Variants in PCDHA3 observed in about 807,000 individuals in gnomAD.
The protein encoded by PCDHA3 is protocadherin alpha-3.
In PCDHA3, 41 loss-of-function variants were observed where a neutral mutation model predicts 62.2. The ratio of observed to expected loss-of-function variants is 0.66; its 90% confidence interval spans 0.51 to 0.86. The LOEUF (loss-of-function observed/expected upper bound fraction) is 0.86. Ranked by LOEUF, PCDHA3 falls within the 40% of genes least tolerant of loss-of-function variation. The pLI, the probability that PCDHA3 is intolerant of heterozygous loss-of-function variation, is 0.00. For synonymous variants in PCDHA3, 640 were observed against 555.4 expected (o/e 1.15, Z -2.14); for missense variants, 1,304 against 1,241.2 (o/e 1.05, Z -0.76).
rs781920660 is a variant in PCDHA3 at position 140,857,284 on chromosome 5, G to A, written c.2394+53693G>A. On this transcript the variant is annotated intron_variant, in intron 1 of 3. Transcript: ENST00000522353. Reference sequence around the variant, plus strand: ...ACTCATTGGTGCTGGACAGCGCTCTGGACCGCGAGAGGGTGTCGGCCTATG... The same window carrying A: ...ACTCATTGGTGCTGGACAGCGCTCTAGACCGCGAGAGGGTGTCGGCCTATG... 4 of 1,598,734 alleles carry A rather than the reference G, an allele frequency of 2.5e-6. 1 individual carries two copies. Among genetic ancestry groups the A allele is most frequent in the Non-Finnish European group, 2.6e-6 (3 of 1,168,028 alleles).
At chr5:140,806,893 A>T in intron 1 of PCDHA3, 1 of 441,892 alleles carries the variant, frequency 2.3e-6, no homozygotes, top group Non-Finnish European at 4.1e-6. Flanking sequence ...ATGTATTCCT[A>T]TTCTCCGAAA....
intron 1 of PCDHA3, chr5:140,822,615 T>C (rs2150117790): frequency 1.2e-6 from 2 of 1,611,632 alleles, no homozygotes; most frequent in Non-Finnish European, 1.7e-6. Context: ...TGTATTTCTT[T>C]AGTAATCTTG....
intron 1 of PCDHA3, among the ~76,000 whole-genome samples, chr5:140,833,329 T>C (rs1234770321): frequency 2.6e-5 from 4 of 152,266 alleles, no homozygotes; most frequent in South Asian, 2.1e-4. Flanking sequence ...ATTGGGAACA[T>C]TGGAGTGAAA....
intron 1 of PCDHA3, among the ~76,000 whole-genome samples, chr5:140,893,669 C>T (rs1204530639): frequency 6.6e-6 from 1 of 152,158 alleles, no homozygotes; most frequent in African/African-American, 2.4e-5. Flanking sequence ...AAAATTTCAG[C>T]ACTTTGGATA....
chr5:140,944,099 C>G (rs1585153302), intron 1 of PCDHA3, among the ~76,000 whole-genome samples: 1 of 152,264 alleles, frequency 6.6e-6, no homozygotes, highest in East Asian at 1.9e-4. Context: ...AAGTTTATAT[C>G]TCATGGGAAA....
At chr5:140,843,714 A>G (rs2150365461) in intron 1 of PCDHA3, 11 of 1,569,726 alleles carry the variant, frequency 7.0e-6, no homozygotes, top group Admixed American at 6.9e-5. Flanking sequence ...CATGGCCTCA[A>G]AGTAAGTCCA....
At chr5:140,973,276 C>G (rs1416819589) in intron 1 of PCDHA3, among the ~76,000 whole-genome samples, 1 of 152,132 alleles carries the variant, frequency 6.6e-6, no homozygotes, top group African/African-American at 2.4e-5. Context: ...TTTATTTCCC[C>G]CAGCACTGAT....
chr5:140,909,249 G>A (rs1180498257), intron 1 of PCDHA3, among the ~76,000 whole-genome samples: 1 of 152,196 alleles, frequency 6.6e-6, no homozygotes, highest in Non-Finnish European at 1.5e-5. Flanking sequence ...TATATTGCTG[G>A]CCTTGCTGAC....
intron 1 of PCDHA3, chr5:140,830,291 G>A (rs1770969160): frequency 6.2e-7 from 1 of 1,613,746 alleles, no homozygotes. Context: ...CGCGTGCACG[G>A]CGGACAAGCC....
intron 1 of PCDHA3, among the ~76,000 whole-genome samples, chr5:140,932,118 A>C (rs2088050775): frequency 6.6e-6 from 1 of 151,946 alleles, no homozygotes; most frequent in African/African-American, 2.4e-5. Flanking sequence ...CCAATTGATA[A>C]TATTTAAGAT....
chr5:140,890,776 A>T (rs1554184541), intron 1 of PCDHA3, among the ~76,000 whole-genome samples: 2 of 152,198 alleles, frequency 1.3e-5, no homozygotes, highest in Non-Finnish European at 2.9e-5. Context: ...TTAAAACCCC[A>T]TAAGATATTA....
At chr5:140,943,278 G>A (rs246067) in intron 1 of PCDHA3, among the ~76,000 whole-genome samples, 37,737 of 121,894 alleles carry the variant, frequency 0.31, 6,744 homozygotes, top group East Asian at 0.43. Flanking sequence ...AAAAAAAAAA[G>A]AAAGAAAGAA....
chr5:140,924,996 T>G (rs960105846), intron 1 of PCDHA3, among the ~76,000 whole-genome samples: 1 of 151,078 alleles, frequency 6.6e-6, no homozygotes, highest in African/African-American at 2.4e-5. Flanking sequence ...ATCCTAGCAC[T>G]TTAGGAGGCT....
intron 1 of PCDHA3, chr5:140,969,386 C>T (rs782109093): frequency 2.5e-6 from 4 of 1,596,966 alleles, no homozygotes; most frequent in South Asian, 1.1e-5. Flanking sequence ...TACACATCCC[C>T]CAATATCCTG....
chr5:140,884,168 A>G (rs1562800814), intron 1 of PCDHA3: 1 of 1,613,300 alleles, frequency 6.2e-7, no homozygotes, highest in South Asian at 1.1e-5. Context: ...GATCAGCACG[A>G]CGCGCCCTCT....
In PCDHA3 at chr5:140,849,950, G is replaced by A. The variant is rs2150459734; in HGVS notation, c.2394+46359G>A. The A allele has an allele frequency of 1.4e-5, 22 of 1,598,026 alleles. 5 individuals carry two copies. In the African/African-American group the frequency reaches 2.5e-4, roughly 19 times the overall value. ...TGTCTGCGCGGGACGCTGACGCGCA[G>A]GAGAACGCCCTGGTGTCCTACTCGC... On this transcript the variant is annotated intron_variant, in intron 1 of 3. Transcript: ENST00000522353.
chr5:140,836,007 G>A (rs2150250458), intron 1 of PCDHA3: 5 of 1,613,296 alleles, frequency 3.1e-6, no homozygotes, highest in South Asian at 1.1e-5. Context: ...CGATGCGGGC[G>A]TGCCGCCTCT....
intron 1 of PCDHA3, chr5:140,859,483 G>C (rs1554152411): frequency 9.7e-6 from 2 of 206,816 alleles, no homozygotes; most frequent in African/African-American, 4.7e-5. Flanking sequence ...GTGTTTTCCT[G>C]AAATTGGTTG....
chr5:140,801,879 C>T lies in PCDHA3; in HGVS notation c.682C>T (p.Leu228=), dbSNP rs916926468. 3 of 1,614,128 alleles carry T rather than the reference C, an allele frequency of 1.9e-6. No individual in the cohort carries two copies. Among genetic ancestry groups the T allele is most frequent in the Non-Finnish European group, 2.5e-6 (3 of 1,180,032 alleles). ...ACCAGAGCTCACTGGCACGACTCAA[C>T]TAAAGATCACTGTTTTAGATGTAAA... is the stretch of plus-strand genomic sequence containing the variant. ...GKPELTGTTQ[L]KITVLDVNDN... The change falls in exon 1 of 4, where the codon CTA becomes TTA. Residue 228 remains leucine, a synonymous_variant. Transcript: ENST00000522353.
Sources: gnomAD v4.1 joint callset for allele counts (sites outside exome capture counted in the v4.1 genomes callset) on GRCh38, gnomAD v4.1.1 for gene constraint, MANE v1.5 for transcripts, NCBI Gene and HGNC (gene_info 2026-07-23, HGNC 2026-07-21) for gene names.